Variants in ACACA observed in about 807,000 individuals in gnomAD.
ACACA encodes the protein acetyl-CoA carboxylase alpha.
Under a neutral mutation model 296.1 loss-of-function variants are expected in ACACA, and 103 were observed. That is an observed-to-expected ratio of 0.35 (90% CI 0.30 to 0.41). ACACA has a LOEUF of 0.41. Ranked by LOEUF, ACACA falls within the 10% of genes least tolerant of loss-of-function variation. The pLI is 1.00. For missense variants in ACACA, 1,554 were observed against 2,989.7 expected (o/e 0.52, Z 11.20); for synonymous variants, 953 against 1,038.6 (o/e 0.92, Z 1.58).
intron 1 of ACACA, among the ~76,000 whole-genome samples, chr17:37,391,274 A>G (rs774608188): frequency 3.3e-5 from 5 of 152,160 alleles, no homozygotes; most frequent in Non-Finnish European, 5.9e-5. Flanking sequence ...TCTTATATAC[A>G]TTATCTCATT....
intron 41 of ACACA, among the ~76,000 whole-genome samples, 172 bp from the exon 42 acceptor site, chr17:37,162,222 A>G (rs925370343): frequency 7.2e-5 from 11 of 152,230 alleles, no homozygotes; most frequent in Admixed American, 6.5e-4. Flanking sequence ...GTATACTGCT[A>G]GATTATGCTG....
chr17:37,293,206 A>C (rs1305350684), intron 3 of ACACA, among the ~76,000 whole-genome samples: 1 of 152,178 alleles, frequency 6.6e-6, no homozygotes, highest in Non-Finnish European at 1.5e-5. Flanking sequence ...TCCTTACTAC[A>C]TTGTTTCATA....
chr17:37,150,028 T>A (rs1014191708), intron 44 of ACACA, 54 bp from the exon 45 acceptor site: 1 of 1,493,554 alleles, frequency 6.7e-7, no homozygotes, highest in East Asian at 2.3e-5. Flanking sequence ...TCTGAAGCTA[T>A]AAGAACTAAG....
Position 37,134,270 on chromosome 17 carries a change from C to T in ACACA, c.5680-4052G>A, listed in dbSNP as rs76152165. 5.6e-4 allele frequency among the ~76,000 whole-genome samples: 86 copies of T among 152,336 alleles called. No individual in the cohort carries two copies. In the East Asian group the frequency reaches 0.01, roughly 18 times the overall value. On this transcript the variant is annotated intron_variant, in intron 45 of 55. Coordinates refer to ENST00000616317, the MANE Select transcript of ACACA (RefSeq NM_198834.3). ...AAAACAGCCTAATATACCGCCTGCT[C>T]TCTCCCTTAAAGCCCTTTTTGGAGA...
chr17:37,171,745 A>G (rs2076891407), intron 41 of ACACA, among the ~76,000 whole-genome samples: 1 of 152,262 alleles, frequency 6.6e-6, no homozygotes. Context: ...AAGATTAGAA[A>G]TAACAATTTT....
intron 16 of ACACA, among the ~76,000 whole-genome samples, chr17:37,251,758 C>CTGCAGT (rs1275116934): frequency 6.6e-6 from 1 of 152,132 alleles, no homozygotes. Flanking sequence ...AGATGGATTC[C>CTGCAGT]AGTTTTTAAA....
intron 1 of ACACA, among the ~76,000 whole-genome samples, chr17:37,400,719 A>G (rs994768862): frequency 1.3e-5 from 2 of 150,592 alleles, no homozygotes; most frequent in East Asian, 3.9e-4. Flanking sequence ...AAGGCTGAAC[A>G]GTATTCCATT....
chr17:37,227,263 T>C (rs532935712), intron 25 of ACACA, among the ~76,000 whole-genome samples: 9 of 152,352 alleles, frequency 5.9e-5, no homozygotes, highest in African/African-American at 2.2e-4. Context: ...CCATTATCCA[T>C]GCAATTTCCA....
At chr17:37,185,597 C>T (rs1054844689) in intron 39 of ACACA, among the ~76,000 whole-genome samples, 1 of 150,514 alleles carries the variant, frequency 6.6e-6, no homozygotes, top group African/African-American at 2.5e-5. Context: ...GAGACGGATT[C>T]TTGCTCCATT....
chr17:37,399,858 AT>A (rs2051220564), intron 1 of ACACA, among the ~76,000 whole-genome samples: 1 of 152,058 alleles, frequency 6.6e-6, no homozygotes. Flanking sequence ...ATTTTTATAA[AT>A]AATGTTCTAA....
chr17:37,380,842 C>A (rs1345043290), intron 1 of ACACA, among the ~76,000 whole-genome samples: 1 of 151,578 alleles, frequency 6.6e-6, no homozygotes, highest in Admixed American at 6.6e-5. Context: ...AGTATCTGCC[C>A]GCCTTGGCCT....
At chr17:37,328,054 T>C (rs1288972648) in intron 3 of ACACA, among the ~76,000 whole-genome samples, 1 of 152,190 alleles carries the variant, frequency 6.6e-6, no homozygotes, top group African/African-American at 2.4e-5. Flanking sequence ...TGCTCTCTAT[T>C]CCTCTTTTTA....
At chr17:37,218,603 G>A (rs868619401) in intron 29 of ACACA, among the ~76,000 whole-genome samples, 2 of 152,084 alleles carry the variant, frequency 1.3e-5, no homozygotes, top group African/African-American at 4.8e-5. Context: ...AAAATGAATC[G>A]GGTCTTGAAA....
intron 21 of ACACA, among the ~76,000 whole-genome samples, chr17:37,244,208 A>G (rs985488990): frequency 6.6e-6 from 1 of 151,980 alleles, no homozygotes; most frequent in Non-Finnish European, 1.5e-5. Flanking sequence ...TAAAAAAAAA[A>G]AAAAAAAATT....
At chr17:37,240,417 T>C in intron 24 of ACACA, 59 bp downstream of exon 24, 6 of 1,472,308 alleles carry the variant, frequency 4.1e-6, no homozygotes, top group Non-Finnish European at 5.7e-6. Context: ...AGGGATAGTT[T>C]GGGTTGGTTA....
In ACACA at chr17:37,252,022, G is replaced by A. The variant is rs775343674; in HGVS notation, c.2064C>T (p.Phe688=). The change falls in exon 16 of 56, where the codon TTC becomes TTT. Residue 688 remains phenylalanine, a synonymous_variant. Transcript: ENST00000616317. ...DVSLRNSVSN[F]LHSLERGQVL... ...AAGCCTACCTTTCTAAGGAGTGAAGGAAGTTAGAGACGCTATTCCGCAGGC... is the reference window on the plus strand; with the variant it reads ...AAGCCTACCTTTCTAAGGAGTGAAGAAAGTTAGAGACGCTATTCCGCAGGC... The A allele has an allele frequency of 2.0e-5, 32 of 1,614,182 alleles. No homozygotes were observed. The highest frequency in any genetic ancestry group is 2.7e-5 in the Non-Finnish European group (32 of 1,179,998).
chr17:37,350,336 GAAAAAAAAAACCA>G (rs1481567642), intron 1 of ACACA, among the ~76,000 whole-genome samples: 2 of 124,164 alleles, frequency 1.6e-5, no homozygotes, highest in East Asian at 2.3e-4. Flanking sequence ...CTCAAAAAAA[GAAAAAAAAAACCA>G]AAAAAAAAAA....
chr17:37,267,460 C>T (rs576864074), intron 10 of ACACA, among the ~76,000 whole-genome samples: 13 of 152,224 alleles, frequency 8.5e-5, no homozygotes, highest in Non-Finnish European at 1.6e-4. Flanking sequence ...GCAACAACTA[C>T]AAAACCATTG....
At position 37,248,629 on chromosome 17, in the gene ACACA, A is replaced by C; in HGVS notation, c.2127T>G (p.Val709=). The C allele has an allele frequency of 6.2e-7, 1 of 1,612,030 alleles. No homozygotes were observed. Among genetic ancestry groups the C allele is most frequent in the Non-Finnish European group, 8.5e-7 (1 of 1,178,540 alleles). ...PAHTLLNTVD[V]ELIYEGVKYV... Reference sequence around the variant, plus strand: ...ACTTGACTCCCTCATAGATAAGTTCAACATCTACTGTATTCAGAAGTGTAT... The same window carrying C: ...ACTTGACTCCCTCATAGATAAGTTCCACATCTACTGTATTCAGAAGTGTAT... The change falls in exon 17 of 56, where the codon GTT becomes GTG. Residue 709 remains valine, a synonymous_variant. Coordinates refer to ENST00000616317, the MANE Select transcript of ACACA (RefSeq NM_198834.3).
Sources: allele counts gnomAD v4.1 joint callset (sites outside exome capture counted in the v4.1 genomes callset), GRCh38; gene constraint gnomAD v4.1.1; transcripts MANE v1.5; gene names NCBI Gene and HGNC (gene_info 2026-07-23, HGNC 2026-07-21).